TMEM178B: variants seen among roughly 807,000 people sequenced by gnomAD.
The protein encoded by TMEM178B is transmembrane protein 178B.
In TMEM178B, 5 loss-of-function variants were observed where a neutral mutation model predicts 31.0. The observed-to-expected ratio is 0.16, with a 90% CI of 0.08 to 0.34. The LOEUF is 0.34. Among genes scored for constraint, TMEM178B ranks in the 10% least tolerant of loss-of-function variants. The pLI, the probability that TMEM178B is intolerant of heterozygous loss-of-function variation, is 1.00. For synonymous variants in TMEM178B, 164 were observed against 164.0 expected, an observed-to-expected ratio of 1.00 and a Z score of 0.00; for missense variants, 275 against 400.3, an observed-to-expected ratio of 0.69 and a Z score of 2.67.
chr7:141,105,272 C>G (rs1342841708), intron 1 of TMEM178B, among the ~76,000 whole-genome samples: 3 of 152,140 alleles, frequency 2.0e-5, no homozygotes, highest in African/African-American at 7.2e-5. Context: ...ACTTTGGAGG[C>G]CGAGGTGGGC....
intron 1 of TMEM178B, among the ~76,000 whole-genome samples, chr7:141,102,038 G>A (rs995473451): frequency 6.6e-6 from 1 of 151,936 alleles, no homozygotes; most frequent in Admixed American, 6.6e-5. Context: ...GAGACTCAGC[G>A]AAAAACAGGG....
At chr7:141,425,910 T>C (rs1015896756) in intron 2 of TMEM178B, among the ~76,000 whole-genome samples, 1 of 151,896 alleles carries the variant, frequency 6.6e-6, no homozygotes, top group African/African-American at 2.4e-5. Context: ...GAAACTACCT[T>C]CCCCCCCTAT....
chr7:141,241,964 G>A (rs750590769), intron 2 of TMEM178B, among the ~76,000 whole-genome samples: 22 of 151,620 alleles, frequency 1.5e-4, no homozygotes, highest in Non-Finnish European at 2.4e-4. Context: ...TCTGAATTTG[G>A]GTGCTACATT....
Position 141,470,872 on chromosome 7 carries a change from A to C in TMEM178B, c.*86A>C. On this transcript the variant is annotated 3_prime_UTR_variant, in exon 4 of 4. Transcript: ENST00000565468. ...AACAAAACAAAACTAAATCAAGACGATGCCAGTGCCAAGGTAGAGTTGAGT... is the reference window on the plus strand; with the variant it reads ...AACAAAACAAAACTAAATCAAGACGCTGCCAGTGCCAAGGTAGAGTTGAGT... 3.7e-6 allele frequency: 3 copies of C among 807,168 alleles called. No individual in the cohort carries two copies. Among genetic ancestry groups the C allele is most frequent in the African/African-American group, 1.8e-5 (1 of 54,234 alleles). 50.0% of individuals were successfully genotyped at this position (807,168 alleles called of 1,614,324 possible). A position where few individuals can be genotyped will look rare whatever the true frequency, so the allele number is the denominator to read the frequency against.
chr7:141,219,418 G>A (rs1180955028), intron 2 of TMEM178B, among the ~76,000 whole-genome samples: 4 of 152,160 alleles, frequency 2.6e-5, no homozygotes, highest in Non-Finnish European at 5.9e-5. Context: ...CAGCCAGTAT[G>A]AGGCTCTTAC....
At chr7:141,154,636 A>G (rs773014207) in intron 1 of TMEM178B, among the ~76,000 whole-genome samples, 1 of 152,164 alleles carries the variant, frequency 6.6e-6, no homozygotes, top group Non-Finnish European at 1.5e-5. Flanking sequence ...GCCTGGATCC[A>G]CGGTGGCCCT....
intron 2 of TMEM178B, chr7:141,212,909 T>A: frequency 2.0e-6 from 1 of 511,986 alleles, no homozygotes; most frequent in Non-Finnish European, 3.5e-6. Context: ...CTTCTAAAAT[T>A]AAAGAAAGAA....
intron 2 of TMEM178B, among the ~76,000 whole-genome samples, chr7:141,401,927 G>C (rs913770602): frequency 1.1e-4 from 16 of 152,126 alleles, no homozygotes; most frequent in African/African-American, 3.9e-4. Context: ...CCCTCCCACA[G>C]CACTATAGTA....
rs1801222386 is a variant in TMEM178B at position 141,422,133 on chromosome 7, TC to T, written c.497-15472del. 6.6e-6 allele frequency among the ~76,000 whole-genome samples: 1 copy of T among 152,230 alleles called. No individual in the cohort carries two copies. Among genetic ancestry groups the T allele is most frequent in the Admixed American group, 6.5e-5 (1 of 15,284 alleles). On this transcript the variant is annotated intron_variant, in intron 2 of 3. Coordinates refer to ENST00000565468, the MANE Select transcript of TMEM178B (RefSeq NM_001195278.2). This position sits in a 1 kb window ranked among gnomAD's most constrained non-coding sequence, Gnocchi z 4.2. ...TCTTTATTTTTACGATTCTACCTGC[TC>T]CCTGTTAACCCTATTACTTCTGGCT...
At chr7:141,463,532 G>A (rs1378658544) in intron 3 of TMEM178B, among the ~76,000 whole-genome samples, 1 of 152,206 alleles carries the variant, frequency 6.6e-6, no homozygotes, top group African/African-American at 2.4e-5. Flanking sequence ...GAGAGGGTTG[G>A]GAGTCTCTTC....
intron 2 of TMEM178B, among the ~76,000 whole-genome samples, chr7:141,213,024 G>A (rs1227014323): frequency 6.6e-6 from 1 of 152,170 alleles, no homozygotes; most frequent in African/African-American, 2.4e-5. Context: ...CCAACTCTTG[G>A]GATTTATTAA....
intron 2 of TMEM178B, among the ~76,000 whole-genome samples, chr7:141,215,416 C>G (rs1797116910): frequency 1.3e-5 from 2 of 151,310 alleles, no homozygotes; most frequent in African/African-American, 4.9e-5. Context: ...ACCTCTGGCT[C>G]CTGGGTTCAT....
chr7:141,333,054 C>A (rs1799323843), intron 2 of TMEM178B, among the ~76,000 whole-genome samples: 1 of 152,228 alleles, frequency 6.6e-6, no homozygotes, highest in Non-Finnish European at 1.5e-5. Flanking sequence ...TACCCAGCCC[C>A]TTCCTTGTTC....
chr7:141,508,605 A>T, the TMEM178B span, among the ~76,000 whole-genome samples: 1 of 152,184 alleles, frequency 6.6e-6, no homozygotes, highest in African/African-American at 2.4e-5. Context: ...GTTTAATTGG[A>T]CTTACAGTTC....
intron 2 of TMEM178B, among the ~76,000 whole-genome samples, chr7:141,294,041 G>T (rs930569668): frequency 2.9e-4 from 44 of 152,198 alleles, no homozygotes; most frequent in African/African-American, 9.9e-4. Context: ...GGGAAGAGCA[G>T]AGAATTTGAA....
chr7:141,151,766 G>A (rs1189019856), intron 1 of TMEM178B, among the ~76,000 whole-genome samples: 1 of 152,138 alleles, frequency 6.6e-6, no homozygotes, highest in African/African-American at 2.4e-5. Context: ...TAACAGGCAG[G>A]GCTACTCTAG....
intron 2 of TMEM178B, among the ~76,000 whole-genome samples, chr7:141,333,275 A>G (rs2116493949): frequency 6.6e-6 from 1 of 152,216 alleles, no homozygotes; most frequent in African/African-American, 2.4e-5. Flanking sequence ...GGAGGTTTCC[A>G]TTTTCTACCC....
intron 2 of TMEM178B, among the ~76,000 whole-genome samples, chr7:141,376,752 G>A (rs1000297285): frequency 6.6e-6 from 1 of 152,174 alleles, no homozygotes; most frequent in Non-Finnish European, 1.5e-5. Context: ...GAGACATTCT[G>A]CAGGACTACT....
At chr7:141,488,865 C>T in the TMEM178B span, among the ~76,000 whole-genome samples, 1 of 150,650 alleles carries the variant, frequency 6.6e-6, no homozygotes, top group East Asian at 1.9e-4. Flanking sequence ...CTAAGAACTG[C>T]AATTTAAAAA....
Sources: gnomAD v4.1 joint callset for allele counts (sites outside exome capture counted in the v4.1 genomes callset) on GRCh38, gnomAD v4.1.1 for gene constraint, Gnocchi (gnomAD v3.1) non-coding constraint, MANE v1.5 for transcripts, NCBI Gene and HGNC (gene_info 2026-07-23, HGNC 2026-07-21) for gene names.